NOX4: variants seen among roughly 807,000 people sequenced by gnomAD.
NOX4 encodes the protein NADPH oxidase 4.
Under a neutral mutation model 87.6 loss-of-function variants are expected in NOX4, and 69 were observed. That is an observed-to-expected ratio of 0.79 (90% confidence interval 0.65 to 0.96). NOX4 has a LOEUF of 0.96. Among genes scored for constraint, NOX4 ranks in the 40% least tolerant of loss-of-function variants. The pLI is 0.00. For missense variants in NOX4, 680 were observed against 681.5 expected (o/e 1.00, Z 0.02); for synonymous variants, 275 against 238.2 (o/e 1.15, Z -1.42).
intron 8 of NOX4, among the ~76,000 whole-genome samples, chr11:89,409,315 T>C (rs999843178): frequency 5.3e-5 from 8 of 152,154 alleles, no homozygotes; most frequent in Admixed American, 3.9e-4. Context: ...AAAAGTTCCC[T>C]GCAGAAAAAC....
intron 11 of NOX4, among the ~76,000 whole-genome samples, chr11:89,374,088 G>C (rs1422573085): frequency 2.0e-5 from 3 of 151,868 alleles, no homozygotes; most frequent in Non-Finnish European, 4.4e-5. Context: ...CCCATATTTA[G>C]GAAACCTAGA....
intron 2 of NOX4, among the ~76,000 whole-genome samples, chr11:89,468,063 T>C (rs911801314): frequency 8.5e-5 from 13 of 152,186 alleles, no homozygotes; most frequent in Non-Finnish European, 1.3e-4. Context: ...ACTGGAAATC[T>C]GAAAGGGCCT....
chr11:89,491,375 T>G lies in NOX4; in HGVS notation c.-129A>C. On this transcript the variant is annotated 5_prime_UTR_variant, in exon 1 of 18. Transcript: ENST00000263317. The stretch of plus-strand genomic sequence containing the variant: ...CGAGGACCGAGGGTCAAAGACTGAG[T>G]GGAAGCCCGAAGGCCCGGCGCCGAG... 1.2e-6 allele frequency: 1 copy of G among 846,792 alleles called. No individual in the cohort carries two copies. 52.5% of individuals were successfully genotyped at this position (846,792 alleles called of 1,614,324 possible). A position where few individuals can be genotyped will look rare whatever the true frequency, so the allele number is the denominator to read the frequency against.
chr11:89,457,487 G>A (rs898282643), intron 2 of NOX4, among the ~76,000 whole-genome samples: 1 of 152,104 alleles, frequency 6.6e-6, no homozygotes, highest in African/African-American at 2.4e-5. Flanking sequence ...CCAGTAGACT[G>A]GGACACCTCA....
At chr11:89,397,855 A>G (rs1323186735) in intron 11 of NOX4, among the ~76,000 whole-genome samples, 3 of 152,150 alleles carry the variant, frequency 2.0e-5, no homozygotes, top group Non-Finnish European at 2.9e-5. Context: ...GTCTAGGATC[A>G]GACAGATTCA....
In NOX4 at chr11:89,432,809, T is replaced by C. The variant is rs1306889119; in HGVS notation, c.523A>G (p.Ile175Val). ...CTTATTGCATATGTAGAGGCTGTGA[T>C]CATGAGGAATAGCACCACCACCATG... Reference protein sequence around the residue: ...VCMVVVLFLMITASTYAIRVS... With the variant: ...VCMVVVLFLMVTASTYAIRVS... Residue 175 changes from isoleucine (I) to valine (V), a missense_variant, in exon 7 of 18, where the codon ATC becomes GTC. Ile to Val is a conservative substitution (Grantham distance 29). Coordinates refer to ENST00000263317, the MANE Select transcript of NOX4 (RefSeq NM_016931.5). 6.2e-7 allele frequency: 1 copy of C among 1,611,190 alleles called. No individual in the cohort carries two copies. Among genetic ancestry groups the C allele is most frequent in the Non-Finnish European group, 8.5e-7 (1 of 1,177,956 alleles).
rs539434411 is a variant in NOX4, at chr11:89,413,944, A to G, written c.629+7958T>C. On this transcript the variant is annotated intron_variant, in intron 8 of 17. Transcript: ENST00000263317. ...AATTAAAAATAGAAAAGTTTTTTAA[A>G]TGGAGAACATTACATAGACAACAAT... is the stretch of plus-strand genomic sequence containing the variant. Among the ~76,000 whole-genome samples, 146 of 152,180 alleles carry G rather than the reference A, an allele frequency of 9.6e-4. 3 individuals are homozygous for G. In the Middle Eastern group the frequency reaches 0.014, roughly 14 times the overall value.
In NOX4 at chr11:89,490,461, C is replaced by T; in HGVS notation, c.150G>A (p.Leu50=). ...TATCCAAGTTCACCTTACTTACCCC[C>T]AACATCTGGTGGAGGTAGTGATACT... The part of the protein sequence containing the change: ...GPEYHYLHQM[L]GLGLCLSRAS... Residue 50 remains leucine, a synonymous_variant, in exon 2 of 18, where the codon TTG becomes TTA. Transcript: ENST00000263317. 1 of 1,607,750 alleles carries T rather than the reference C, an allele frequency of 6.2e-7. No individual in the cohort carries two copies.
intron 8 of NOX4, 33 bp downstream of exon 8, chr11:89,421,869 A>T: frequency 7.3e-7 from 1 of 1,367,732 alleles, no homozygotes; most frequent in South Asian, 1.3e-5. Flanking sequence ...TTGGGGCACA[A>T]ATGGTTTTAA....
At chr11:89,471,590 A>T (rs1945943819) in intron 2 of NOX4, among the ~76,000 whole-genome samples, 1 of 152,346 alleles carries the variant, frequency 6.6e-6, no homozygotes, top group East Asian at 1.9e-4. Flanking sequence ...GGTTCATATC[A>T]TTAATAAATT....
At chr11:89,370,685 C>A (rs1939373318) in intron 12 of NOX4, among the ~76,000 whole-genome samples, 1 of 152,008 alleles carries the variant, frequency 6.6e-6, no homozygotes, top group Admixed American at 6.6e-5. Flanking sequence ...CAAGAAAAAA[C>A]ACTGAATCAT....
chr11:89,549,237 T>G, the NOX4 span, among the ~76,000 whole-genome samples: 1 of 152,204 alleles, frequency 6.6e-6, no homozygotes, highest in Admixed American at 6.5e-5. Flanking sequence ...TACTAATAGT[T>G]GCAGACTAAA....
chr11:89,564,130 G>T, the NOX4 span, among the ~76,000 whole-genome samples: 1 of 152,214 alleles, frequency 6.6e-6, no homozygotes, highest in South Asian at 2.1e-4. Flanking sequence ...ATGATAGAAT[G>T]CACCGCATGT....
At chr11:89,490,216 G>A (rs1388114247) in intron 2 of NOX4, among the ~76,000 whole-genome samples, 2 of 152,176 alleles carry the variant, frequency 1.3e-5, no homozygotes, top group Non-Finnish European at 2.9e-5. Context: ...CAATAACCTG[G>A]TCTGGCAGGT....
chr11:89,525,879 A>G, the NOX4 span, among the ~76,000 whole-genome samples: 1 of 152,042 alleles, frequency 6.6e-6, no homozygotes, highest in Admixed American at 6.6e-5. Context: ...TTCCAATTTA[A>G]TATTTTCTGT....
chr11:89,569,061 C>G, the NOX4 span, among the ~76,000 whole-genome samples: 12 of 151,784 alleles, frequency 7.9e-5, no homozygotes, highest in African/African-American at 2.7e-4. Context: ...AAATGTAACT[C>G]ATCTTGAGGG....
chr11:89,474,542 TG>T (rs1946086655), intron 2 of NOX4, among the ~76,000 whole-genome samples: 1 of 151,122 alleles, frequency 6.6e-6, no homozygotes, highest in South Asian at 2.1e-4. Flanking sequence ...TATGGCATTA[TG>T]GTGCACTATG....
At chr11:89,437,610 T>G (rs189657004) in intron 6 of NOX4, among the ~76,000 whole-genome samples, 14 of 152,180 alleles carry the variant, frequency 9.2e-5, no homozygotes, top group South Asian at 6.2e-4. Context: ...GCTAATTTGC[T>G]GAATTGGGTG....
chr11:89,380,490 C>G (rs1241874209), intron 11 of NOX4, among the ~76,000 whole-genome samples: 1 of 152,014 alleles, frequency 6.6e-6, no homozygotes, highest in Admixed American at 6.6e-5. Flanking sequence ...AGAGAGGGAG[C>G]AGTAGCTAGA....
Sources: allele counts gnomAD v4.1 joint callset (sites outside exome capture counted in the v4.1 genomes callset), GRCh38; gene constraint gnomAD v4.1.1; transcripts MANE v1.5; gene names NCBI Gene and HGNC (gene_info 2026-07-23, HGNC 2026-07-21).